The following DISC1 variants were observed in gnomAD, a reference collection of about 807,000 sequenced individuals.
The protein encoded by DISC1 is DISC1 scaffold protein.
DISC1 carries 57 observed loss-of-function variants against 84.5 expected under a neutral mutation model. The observed-to-expected ratio is 0.67, with a 90% CI of 0.55 to 0.84. DISC1 has a LOEUF of 0.84. Among genes scored for constraint, DISC1 ranks in the 40% least tolerant of loss-of-function variants. The probability of loss-of-function intolerance (pLI) is 0.00; values close to 1 mark genes in which losing one functional copy is unlikely to be tolerated. For missense variants in DISC1, 1,000 were observed against 1,057.8 expected, an observed-to-expected ratio of 0.95 and a Z score of 0.76; for synonymous variants, 411 against 415.2, an observed-to-expected ratio of 0.99 and a Z score of 0.12.
At chr1:231,686,246 G>A (rs1210302839) in intron 1 of DISC1, among the ~76,000 whole-genome samples, 1 of 152,184 alleles carries the variant, frequency 6.6e-6, no homozygotes, top group Non-Finnish European at 1.5e-5. Context: ...GGACTCTGTG[G>A]GGGCTCCAAC....
intron 3 of DISC1, among the ~76,000 whole-genome samples, chr1:231,722,336 C>A (rs113888361): frequency 6.6e-6 from 1 of 152,058 alleles, no homozygotes; most frequent in Non-Finnish European, 1.5e-5. Context: ...CCTGGAATGA[C>A]CATGGTATTT....
At chr1:231,955,771 T>C (rs1325611113) in intron 9 of DISC1, among the ~76,000 whole-genome samples, 1 of 152,148 alleles carries the variant, frequency 6.6e-6, no homozygotes, top group Non-Finnish European at 1.5e-5. Flanking sequence ...ATTACAGGTG[T>C]GAGCTACCGC....
chr1:231,653,420 G>A (rs550413576), intron 1 of DISC1, among the ~76,000 whole-genome samples: 1 of 152,266 alleles, frequency 6.6e-6, no homozygotes, highest in African/African-American at 2.4e-5. Context: ...TGCTTAGCTG[G>A]CTGATAGTGG....
intron 1 of DISC1, among the ~76,000 whole-genome samples, chr1:231,688,561 G>A (rs1156408549): frequency 6.6e-6 from 1 of 152,164 alleles, no homozygotes; most frequent in Non-Finnish European, 1.5e-5. Flanking sequence ...TTTATGGGGT[G>A]GCACATAACT....
intron 9 of DISC1, among the ~76,000 whole-genome samples, chr1:231,892,504 C>A (rs1031075731): frequency 6.6e-6 from 1 of 152,116 alleles, no homozygotes; most frequent in Non-Finnish European, 1.5e-5. Flanking sequence ...TACAAGCTCA[C>A]TGGTTTCCTG....
chr1:231,845,977 A>G (rs1421528123), intron 9 of DISC1, among the ~76,000 whole-genome samples: 1 of 152,080 alleles, frequency 6.6e-6, no homozygotes, highest in Non-Finnish European at 1.5e-5. Flanking sequence ...GTGGAGGTCC[A>G]GGATCAAGGC....
intron 1 of DISC1, among the ~76,000 whole-genome samples, chr1:231,644,213 T>A (rs534267057): frequency 2.0e-5 from 3 of 152,332 alleles, no homozygotes; most frequent in African/African-American, 7.2e-5. Flanking sequence ...AGGATTTTCC[T>A]TGAAGGCAAG....
chr1:231,682,564 C>A (rs1407457396), intron 1 of DISC1, among the ~76,000 whole-genome samples: 5 of 152,188 alleles, frequency 3.3e-5, no homozygotes, highest in Non-Finnish European at 4.4e-5. Flanking sequence ...GGTTAGTCAC[C>A]TGACCATGCT....
chr1:231,716,854 C>T (rs1416548822), intron 3 of DISC1, among the ~76,000 whole-genome samples: 4 of 152,136 alleles, frequency 2.6e-5, no homozygotes, highest in South Asian at 2.1e-4. Flanking sequence ...TGTGCTCCTT[C>T]GTGGAATTCC....
intron 1 of DISC1, among the ~76,000 whole-genome samples, chr1:231,634,070 G>C (rs1202401949): frequency 6.6e-6 from 1 of 152,070 alleles, no homozygotes; most frequent in Admixed American, 6.5e-5. Flanking sequence ...TTTTAGTAGA[G>C]ACAGAGTTTC....
Position 231,693,958 on chromosome 1 carries a change from T to C in DISC1, c.200T>C (p.Phe67Ser), listed in dbSNP as rs751110828. The change falls in exon 2 of 13, where the codon TTC (phenylalanine) becomes TCC (serine). Residue 67 changes from phenylalanine to serine, a missense_variant. Phe to Ser is a radical substitution (Grantham distance 155, BLOSUM62 -2). Around this residue, in one of 3 missense-constraint regions of DISC1, gnomAD observed 292 missense variants for 280.2 expected, o/e 1.04. Coordinates refer to ENST00000439617, the MANE Select transcript of DISC1 (RefSeq NM_018662.3). ...CCAGCAGTGGGCACACTGTTCCGGT[T>C]CCCAGGAGGGGTGTCTGGCGAGGAG... ...LSPAVGTLFR[F>S]PGGVSGEESH... 2 of 1,613,984 alleles carry C rather than the reference T, an allele frequency of 1.2e-6. No homozygotes were observed. The highest frequency in any genetic ancestry group is 1.7e-6 in the Non-Finnish European group (2 of 1,179,988).
intron 9 of DISC1, among the ~76,000 whole-genome samples, chr1:231,882,772 A>G (rs978958760): frequency 6.6e-6 from 1 of 152,144 alleles, no homozygotes; most frequent in African/African-American, 2.4e-5. Context: ...GGCTGTGATT[A>G]GCTAGGGCAA....
At chr1:231,852,532 C>T (rs1405883163) in intron 9 of DISC1, among the ~76,000 whole-genome samples, 2 of 152,224 alleles carry the variant, frequency 1.3e-5, no homozygotes, top group African/African-American at 4.8e-5. Flanking sequence ...CATTAACTTT[C>T]CTAATATTTT....
chr1:231,915,612 A>G (rs191441714), intron 9 of DISC1, among the ~76,000 whole-genome samples: 2 of 152,264 alleles, frequency 1.3e-5, no homozygotes, highest in Non-Finnish European at 2.9e-5. Flanking sequence ...CCCCGTCTCT[A>G]CTAAAAGTAC....
chr1:231,992,283 TG>T (rs1240592182), intron 10 of DISC1, among the ~76,000 whole-genome samples: 1 of 152,222 alleles, frequency 6.6e-6, no homozygotes, highest in Non-Finnish European at 1.5e-5. Flanking sequence ...ATCTTTATAT[TG>T]GATGCAAATC....
intron 9 of DISC1, among the ~76,000 whole-genome samples, chr1:231,942,457 G>A (rs2091406870): frequency 6.6e-6 from 1 of 152,200 alleles, no homozygotes; most frequent in South Asian, 2.1e-4. Context: ...TTGAGGTCAA[G>A]AGTTTGAGAC....
intron 11 of DISC1, among the ~76,000 whole-genome samples, chr1:232,022,282 G>A (rs1160089322): frequency 6.6e-6 from 1 of 151,552 alleles, no homozygotes; most frequent in Non-Finnish European, 1.5e-5. Context: ...CAGGACCTGG[G>A]CAACTTTGCA....
In DISC1 at chr1:231,694,498, C is replaced by A; in HGVS notation, c.740C>A (p.Ala247Asp). The A allele has an allele frequency of 3.7e-6, 6 of 1,614,274 alleles. No individual in the cohort carries two copies. The highest frequency in any genetic ancestry group is 4.2e-6 in the Non-Finnish European group (5 of 1,180,052). The change falls in exon 2 of 13, where the codon GCC becomes GAC. Residue 247 changes from alanine (A) to aspartate (D), a missense_variant. This residue lies in a region of DISC1 where 311 missense variants were observed against 400.1 expected (regional missense o/e 0.78). Coordinates refer to ENST00000439617, the MANE Select transcript of DISC1 (RefSeq NM_018662.3). ...TGCCAGAGCCCCCAGGAGATGGGAG[C>A]CAAAGCTGCCAGCTTGGACGGGCCT... ...SHCQSPQEMGAKAASLDGPHE... is the reference protein window; with the variant it reads ...SHCQSPQEMGDKAASLDGPHE...
intron 9 of DISC1, among the ~76,000 whole-genome samples, chr1:231,908,207 T>G (rs2088883238): frequency 6.6e-6 from 1 of 152,254 alleles, no homozygotes; most frequent in South Asian, 2.1e-4. Context: ...ACTTTGGCTT[T>G]TGTTGCCGTT....
Sources: allele counts gnomAD v4.1 joint callset (sites outside exome capture counted in the v4.1 genomes callset), GRCh38; gene constraint gnomAD v4.1.1; regional missense constraint gnomAD v4.1.1; transcripts MANE v1.5; gene names NCBI Gene and HGNC (gene_info 2026-07-23, HGNC 2026-07-21).